PDE10A: variants seen among roughly 807,000 people sequenced by gnomAD.
PDE10A encodes the protein phosphodiesterase 10A.
In PDE10A, 39 loss-of-function variants were observed where a neutral mutation model predicts 97.7. That is an observed-to-expected ratio of 0.40 (90% CI 0.31 to 0.52). The LOEUF (loss-of-function observed/expected upper bound fraction) is 0.52, where lower values mean the gene tolerates loss of function less well. PDE10A is among the 20% of genes least tolerant of loss of function. The pLI, the probability that PDE10A is intolerant of heterozygous loss-of-function variation, is 0.56. For missense variants in PDE10A, 731 were observed against 1,047.8 expected (o/e 0.70, Z 4.17); for synonymous variants, 371 against 376.8 (o/e 0.98, Z 0.18).
chr6:165,619,924 A>G (rs1034242815), intron 1 of PDE10A, among the ~76,000 whole-genome samples: 7 of 152,084 alleles, frequency 4.6e-5, no homozygotes, highest in African/African-American at 1.7e-4. Flanking sequence ...ATCAGATGAG[A>G]TGAGATATTT....
At chr6:165,339,160 G>T in intron 20 of PDE10A, 118 bp downstream of exon 20, 2 of 757,046 alleles carry the variant, frequency 2.6e-6, no homozygotes, top group Non-Finnish European at 4.8e-6. Context: ...AGATCTGCCT[G>T]GAATAACCCA....
At chr6:165,848,212 G>A (rs1231383446) in intron 1 of PDE10A, among the ~76,000 whole-genome samples, 3 of 152,114 alleles carry the variant, frequency 2.0e-5, no homozygotes, top group South Asian at 2.1e-4. Flanking sequence ...CTTACTGAGC[G>A]CCCCCTATGT....
intron 1 of PDE10A, among the ~76,000 whole-genome samples, chr6:165,619,522 GTGTAGTGTAGT>G (rs1392972649): frequency 1.4e-4 from 8 of 57,416 alleles, no homozygotes; most frequent in South Asian, 5.2e-4. Flanking sequence ...GTCTAGTGTA[GTGTAGTGTAGT>G]CTAATGTAGT....
At chr6:165,726,244 A>G (rs754170580) in intron 1 of PDE10A, among the ~76,000 whole-genome samples, 3 of 152,146 alleles carry the variant, frequency 2.0e-5, no homozygotes, top group African/African-American at 4.8e-5. Flanking sequence ...GAAACAAGGG[A>G]GGATCCAGCA....
At chr6:165,744,409 G>T (rs1227909719) in intron 1 of PDE10A, among the ~76,000 whole-genome samples, 1 of 151,842 alleles carries the variant, frequency 6.6e-6, no homozygotes, top group Non-Finnish European at 1.5e-5. Flanking sequence ...ATCATTATTT[G>T]TATTATACCT....
intron 1 of PDE10A, among the ~76,000 whole-genome samples, chr6:165,826,818 A>G (rs1779772328): frequency 6.9e-6 from 1 of 145,534 alleles, no homozygotes; most frequent in South Asian, 2.2e-4. Context: ...CAGGGAGGAG[A>G]GCCAGGAGGG....
chr6:165,710,405 G>C (rs371945547), intron 1 of PDE10A, among the ~76,000 whole-genome samples: 12 of 152,278 alleles, frequency 7.9e-5, no homozygotes, highest in South Asian at 2.1e-4. Context: ...CAAGTGCAAA[G>C]TCCTTTTAGT....
rs533594943 is a variant in PDE10A, at chr6:165,579,466, T to C, written c.866-35898A>G. 6.6e-5 allele frequency among the ~76,000 whole-genome samples: 10 copies of C among 152,312 alleles called. No homozygotes were observed. In the South Asian group the frequency reaches 1.7e-3, roughly 25 times the overall value. On this transcript the variant is annotated intron_variant, in intron 1 of 21. Transcript: ENST00000539869. ...GATACAAGTCCTCCCTGACTCTTCATTGTCTCTCACACCTCACATCCATAC... is the reference window on the plus strand; with the variant it reads ...GATACAAGTCCTCCCTGACTCTTCACTGTCTCTCACACCTCACATCCATAC...
At chr6:165,952,402 G>T (rs1783992664) in intron 1 of PDE10A, among the ~76,000 whole-genome samples, 1 of 152,168 alleles carries the variant, frequency 6.6e-6, no homozygotes, top group Non-Finnish European at 1.5e-5. Flanking sequence ...TGATAATGAA[G>T]CCACAACAGG....
intron 2 of PDE10A, among the ~76,000 whole-genome samples, chr6:165,496,856 C>A (rs1387063167): frequency 2.6e-5 from 4 of 152,168 alleles, no homozygotes; most frequent in African/African-American, 9.7e-5. Context: ...AATACAGTTT[C>A]CAAAATCAGT....
chr6:165,737,884 G>T (rs1479036316), intron 1 of PDE10A, among the ~76,000 whole-genome samples: 2 of 152,110 alleles, frequency 1.3e-5, no homozygotes, highest in Non-Finnish European at 1.5e-5. Context: ...CAGATGACTT[G>T]ATTTTTTATA....
At chr6:165,906,902 A>G (rs1372121794) in intron 1 of PDE10A, among the ~76,000 whole-genome samples, 1 of 152,206 alleles carries the variant, frequency 6.6e-6, no homozygotes, top group Non-Finnish European at 1.5e-5. Context: ...AGTCCAGGTA[A>G]GTAAATTAAT....
At chr6:165,501,774 G>A (rs770683675) in intron 2 of PDE10A, among the ~76,000 whole-genome samples, 8 of 152,102 alleles carry the variant, frequency 5.3e-5, no homozygotes, top group African/African-American at 9.7e-5. Flanking sequence ...AAATCTCAAC[G>A]GCCTTCTGTC....
intron 1 of PDE10A, among the ~76,000 whole-genome samples, chr6:165,842,874 T>C (rs1467555351): frequency 6.6e-6 from 1 of 152,240 alleles, no homozygotes; most frequent in East Asian, 1.9e-4. Flanking sequence ...GCCCTGACCC[T>C]GAGTTAGCCT....
chr6:165,462,961 AC>A (rs955504045), intron 3 of PDE10A, among the ~76,000 whole-genome samples: 12 of 152,374 alleles, frequency 7.9e-5, no homozygotes, highest in Admixed American at 5.9e-4. Context: ...ACCCTCAAAA[AC>A]CTTTTTGTAA....
intron 1 of PDE10A, among the ~76,000 whole-genome samples, chr6:165,761,116 C>G (rs556915170): frequency 6.6e-6 from 1 of 152,134 alleles, no homozygotes; most frequent in Non-Finnish European, 1.5e-5. Flanking sequence ...GTGGGAAACC[C>G]GCTAGCAGGA....
intron 18 of PDE10A, among the ~76,000 whole-genome samples, chr6:165,344,881 C>A (rs890773494): frequency 2.6e-5 from 4 of 152,082 alleles, no homozygotes; most frequent in African/African-American, 7.2e-5. Context: ...TTCCTGTAAC[C>A]CCAAACAGAT....
At chr6:165,626,071 C>T (rs906758031) in intron 1 of PDE10A, among the ~76,000 whole-genome samples, 5 of 152,008 alleles carry the variant, frequency 3.3e-5, no homozygotes, top group Non-Finnish European at 7.4e-5. Context: ...AGTGGGGCAG[C>T]GAAGGACAAA....
chr6:165,383,251 C>T lies in PDE10A; in HGVS notation c.2611-3885G>A, dbSNP rs561773206. 1.8e-4 allele frequency among the ~76,000 whole-genome samples: 28 copies of T among 152,014 alleles called. 1 individual carries two copies. The highest frequency in any genetic ancestry group is 1.5e-3 in the South Asian group (7 of 4,820). ...TGACTATTTTTAAAGTCAAAATGGG[C>T]TATTAAAAAAGGCAAAGAAAAAGTA... On this transcript the variant is annotated intron_variant, in intron 17 of 21. Transcript: ENST00000539869.
Sources: allele counts gnomAD v4.1 joint callset (sites outside exome capture counted in the v4.1 genomes callset), GRCh38; gene constraint gnomAD v4.1.1; transcripts MANE v1.5; gene names NCBI Gene and HGNC (gene_info 2026-07-23, HGNC 2026-07-21).